NEB: variants seen among roughly 807,000 people sequenced by gnomAD.
The protein encoded by NEB is nebulin, also known as nemaline myopathy type 2.
A neutral mutation model predicts 952.2 loss-of-function variants in NEB; 512 were observed. The observed-to-expected ratio is 0.54, with a 90% CI of 0.50 to 0.58. NEB has a LOEUF of 0.58. Among genes scored for constraint, NEB ranks in the 20% least tolerant of loss-of-function variants. The probability of loss-of-function intolerance (pLI) is 0.00; values close to 1 mark genes in which losing one functional copy is unlikely to be tolerated. For missense variants in NEB, 8,428 were observed against 9,231.1 expected, an observed-to-expected ratio of 0.91 and a Z score of 3.56; for synonymous variants, 2,900 against 3,149.8, an observed-to-expected ratio of 0.92 and a Z score of 2.66.
At chr2:151,559,888 A>G (rs574990727) in intron 124 of NEB, among the ~76,000 whole-genome samples, 6 of 152,196 alleles carry the variant, frequency 3.9e-5, no homozygotes, top group Non-Finnish European at 8.8e-5. Context: ...ATGTATACCT[A>G]TGTAATAAAC....
At chr2:151,651,310 G>C (rs917503280) in intron 52 of NEB, among the ~76,000 whole-genome samples, 11 of 152,166 alleles carry the variant, frequency 7.2e-5, no homozygotes, top group Non-Finnish European at 1.2e-4. Flanking sequence ...TGTGTATTCT[G>C]ACTTTGGGGT....
chr2:151,550,943 C>G (rs966039064), intron 129 of NEB, among the ~76,000 whole-genome samples: 3 of 121,130 alleles, frequency 2.5e-5, no homozygotes, highest in African/African-American at 1.1e-4. Flanking sequence ...CTGTGCCTGG[C>G]CAAAATTATT....
At chr2:151,660,511 C>T (rs568996390) in intron 46 of NEB, among the ~76,000 whole-genome samples, 8 of 152,286 alleles carry the variant, frequency 5.3e-5, no homozygotes, top group Admixed American at 1.3e-4. Context: ...GCATGTAACA[C>T]AGCTATTTAA....
intron 68 of NEB, among the ~76,000 whole-genome samples, chr2:151,629,267 G>A (rs1046191008): frequency 3.3e-5 from 5 of 152,078 alleles, no homozygotes; most frequent in African/African-American, 1.2e-4. Context: ...TCTCATAATT[G>A]TAGATATGAA....
At position 151,674,612 on chromosome 2, in the gene NEB, G is replaced by A. The variant is rs768041097; in HGVS notation, c.3880-28C>T. Reference sequence around the variant, plus strand: ...GGACAGAAAAGCAAACAGAATGTCAGCATCTGTAAGTGATTCCTCAACTGC... The same window carrying A: ...GGACAGAAAAGCAAACAGAATGTCAACATCTGTAAGTGATTCCTCAACTGC... On this transcript the variant is annotated intron_variant, in intron 35 of 181. Coordinates refer to ENST00000397345, the MANE Select transcript of NEB (RefSeq NM_001164508.2). 11 of 1,480,060 alleles carry A rather than the reference G, an allele frequency of 7.4e-6. No individual in the cohort carries two copies. In the Admixed American group the frequency reaches 1.5e-4, roughly 21 times the overall value. The allele number at this position is 1,480,060 out of a possible 1,614,324, so 91.7% of individuals were successfully genotyped here.
rs764544104 is a variant in NEB at position 151,506,961 on chromosome 2, T to G, written c.23504A>C (p.Gln7835Pro). 2 of 1,611,814 alleles carry G rather than the reference T, an allele frequency of 1.2e-6. No homozygotes were observed. Among genetic ancestry groups the G allele is most frequent in the South Asian group, 2.2e-5 (2 of 91,020 alleles). ...KNSKGKITVV[Q>P]DTPEILRVKE... ...TACACGCAGTATTTCTGGCGTGTCT[T>G]GAACAACTGTAATTTTTCCTTTACT... Residue 7835 changes from glutamine to proline, a missense_variant, in exon 163 of 182, where the codon CAA becomes CCA. By Grantham distance (76) the Gln-to-Pro change is moderately conservative. This residue lies in a region of NEB where 3,374 missense variants were observed against 3,651.5 expected (regional missense o/e 0.92). Transcript: ENST00000397345.
chr2:151,519,213 C>T, intron 154 of NEB, 144 bp from the exon 155 acceptor site: 1 of 663,102 alleles, frequency 1.5e-6, no homozygotes, highest in South Asian at 1.7e-5. Flanking sequence ...AGCCAGAAGG[C>T]AGAAACAACC....
intron 106 of NEB, among the ~76,000 whole-genome samples, 165 bp from the exon 107 acceptor site, chr2:151,575,964 T>C (rs910241945): frequency 6.6e-6 from 1 of 152,148 alleles, no homozygotes; most frequent in Non-Finnish European, 1.5e-5. Context: ...TGATATAAAA[T>C]CTGTATTATT....
chr2:151,733,334 T>C (rs1311883704), intron 2 of NEB, 149 bp from the exon 3 acceptor site: 2 of 606,384 alleles, frequency 3.3e-6, no homozygotes, highest in Non-Finnish European at 5.6e-6. Flanking sequence ...ACATTTAAAA[T>C]ACAAGTATAA....
chr2:151,679,660 G>GTGCCCCC, intron 32 of NEB, 61 bp downstream of exon 32: 3 of 682,638 alleles, frequency 4.4e-6, no homozygotes, highest in East Asian at 2.7e-5. Flanking sequence ...GTCATCGTCA[G>GTGCCCCC]ACCCCAAGCC....
chr2:151,727,970 G>T, intron 4 of NEB, 64 bp from the exon 5 acceptor site: 1 of 1,246,826 alleles, frequency 8.0e-7, no homozygotes, highest in Middle Eastern at 2.6e-4. Flanking sequence ...TGTGATCTTA[G>T]TATATATTAG....
chr2:151,709,018 G>A (rs1005063703), intron 12 of NEB, among the ~76,000 whole-genome samples: 4 of 152,224 alleles, frequency 2.6e-5, no homozygotes, highest in Non-Finnish European at 5.9e-5. Flanking sequence ...GCCAGGGTTA[G>A]AACCAAGTGT....
rs143478654 is a variant in NEB, at chr2:151,710,784, C to G, written c.823-246G>C. 8.6e-3 allele frequency among the ~76,000 whole-genome samples: 1,306 copies of G among 152,204 alleles called. 24 individuals carry two copies. The highest frequency in any genetic ancestry group is 0.03 in the African/African-American group (1,240 of 41,536). ...CCCCTCCCCTTGCTGAGTTTGGGGA[C>G]TTCATTCATTCGGAAGTTGCAGATG... On this transcript the variant is annotated intron_variant, in intron 10 of 181. Transcript: ENST00000397345.
At chr2:151,697,046 C>G (rs1248501272) in intron 16 of NEB, 102 bp downstream of exon 16, 1 of 861,164 alleles carries the variant, frequency 1.2e-6, no homozygotes, top group South Asian at 1.9e-5. Context: ...TTGCGATTGC[C>G]TGGCTTACAT....
At chr2:151,526,548 G>A (rs74820105) in intron 148 of NEB, among the ~76,000 whole-genome samples, 7,174 of 152,154 alleles carry the variant, frequency 0.047, 271 homozygotes, top group East Asian at 0.19. Flanking sequence ...AGCCCTCCAT[G>A]AGCCCATTAT....
chr2:151,724,817 A>G lies in NEB; in HGVS notation c.507+40T>C, dbSNP rs752288259. ...ATAAGACAATGCAGAGGTGATGCAC[A>G]TGCTACTGAGTACCCCAGCCATCCA... On this transcript the variant is annotated intron_variant, in intron 7 of 181. Transcript: ENST00000397345. 2.0e-6 allele frequency: 3 copies of G among 1,534,542 alleles called. No individual in the cohort carries two copies. The East Asian group carries it at 6.8e-5, about 35-fold the overall frequency.
At chr2:151,626,972 G>A (rs1240282653) in intron 70 of NEB, 30 bp downstream of exon 70, 3 of 1,608,982 alleles carry the variant, frequency 1.9e-6, no homozygotes, top group Non-Finnish European at 2.6e-6. Flanking sequence ...ATATAGCCCT[G>A]TCTTATTTTC....
chr2:151,490,453 C>CACCCT lies in NEB; in HGVS notation c.25215_25216insAGGGT (p.Glu8406ArgfsTer91). 1 of 1,606,996 alleles carries CACCCT rather than the reference C, an allele frequency of 6.2e-7. No homozygotes were observed. Among genetic ancestry groups the CACCCT allele is most frequent in the Non-Finnish European group, 8.5e-7 (1 of 1,176,780 alleles). On this transcript the variant is annotated frameshift_variant, in exon 180 of 182. Transcript: ENST00000397345. LOFTEE classifies it high-confidence loss of function. ...GCTTCTGAATGCTCAGACTTCTCCT[C>CACCCT]ACCCCCACTGATGCTTAGTGCACTG...
intron 81 of NEB, among the ~76,000 whole-genome samples, chr2:151,609,441 A>G (rs1310322328): frequency 6.6e-6 from 1 of 152,144 alleles, no homozygotes; most frequent in Non-Finnish European, 1.5e-5. Context: ...TCCATAATAT[A>G]ATTATTTGAT....
Sources: gnomAD v4.1 joint callset for allele counts (sites outside exome capture counted in the v4.1 genomes callset) on GRCh38, gnomAD v4.1.1 for gene constraint, gnomAD v4.1.1 regional missense constraint, MANE v1.5 for transcripts, NCBI Gene and HGNC (gene_info 2026-07-23, HGNC 2026-07-21) for gene names.